CPM: variants seen among roughly 807,000 people sequenced by gnomAD.
CPM encodes the protein renal carboxypeptidase.
CPM carries 35 observed loss-of-function variants against 46.4 expected under a neutral mutation model. That is an observed-to-expected ratio of 0.75 (90% CI 0.58 to 1.00). The LOEUF (loss-of-function observed/expected upper bound fraction) is 1.00. Ranked by LOEUF, CPM falls within the 50% of genes least tolerant of loss-of-function variation. The probability of loss-of-function intolerance (pLI) is 0.00; values close to 1 mark genes in which losing one functional copy is unlikely to be tolerated. For missense variants in CPM, 422 were observed against 530.4 expected, an observed-to-expected ratio of 0.80 and a Z score of 2.01; for synonymous variants, 195 against 195.3, an observed-to-expected ratio of 1.00 and a Z score of 0.01.
At chr12:68,931,728 A>G (rs1322570093) in intron 2 of CPM, among the ~76,000 whole-genome samples, 1 of 141,542 alleles carries the variant, frequency 7.1e-6, no homozygotes, top group Admixed American at 7.2e-5. Context: ...CCTGGGCAAC[A>G]GAGCGAGACT....
At chr12:68,955,506 G>T (rs1565811012) in intron 1 of CPM, among the ~76,000 whole-genome samples, 1 of 67,794 alleles carries the variant, frequency 1.5e-5, no homozygotes, top group East Asian at 3.9e-4. Context: ...TGTGGGGGTG[G>T]GGGGGGCATG....
At chr12:68,869,188 T>A (rs535757943) in intron 6 of CPM, 137 bp downstream of exon 6, 1 of 667,962 alleles carries the variant, frequency 1.5e-6, no homozygotes, top group Non-Finnish European at 2.5e-6. Context: ...ACTGCTCTTA[T>A]GATATTAGCT....
rs2136216688 is a variant in CPM at position 68,858,999 on chromosome 12, T to C, written c.1013A>G (p.Lys338Arg). Reference sequence around the variant, plus strand: ...GTTGGTTCTATAGGGGCAGATATGTTTTCTGTCTTGGACTTCCACAATTAC... The same window carrying C: ...GTTGGTTCTATAGGGGCAGATATGTCTTCTGTCTTGGACTTCCACAATTAC... Reference protein sequence around the residue: ...PNVIVEVQDRKHICPYRTNKY... With the variant: ...PNVIVEVQDRRHICPYRTNKY... The change falls in exon 8 of 9, where the codon AAA (lysine) becomes AGA (arginine). Residue 338 changes from lysine (K) to arginine (R), a missense_variant. Lys to Arg is a conservative substitution (Grantham distance 26, BLOSUM62 2). Transcript: ENST00000551568. 3 of 1,577,230 alleles carry C rather than the reference T, an allele frequency of 1.9e-6. No individual in the cohort carries two copies. Among genetic ancestry groups the C allele is most frequent in the Non-Finnish European group, 1.7e-6 (2 of 1,161,644 alleles).
At chr12:68,962,146 G>A (rs1269529243) in intron 1 of CPM, among the ~76,000 whole-genome samples, 1 of 147,820 alleles carries the variant, frequency 6.8e-6, no homozygotes, top group African/African-American at 2.6e-5. Flanking sequence ...CTTGCAGTGA[G>A]CCAAGATAGC....
chr12:68,883,570 C>A (rs1663589), intron 3 of CPM, among the ~76,000 whole-genome samples: 1 of 152,040 alleles, frequency 6.6e-6, no homozygotes, highest in East Asian at 1.9e-4. Context: ...AGAATCAGAG[C>A]GCACTAGCGA....
At chr12:68,887,174 A>G (rs954434858) in intron 2 of CPM, among the ~76,000 whole-genome samples, 51 of 152,214 alleles carry the variant, frequency 3.4e-4, no homozygotes, top group African/African-American at 1.2e-3. Flanking sequence ...GTCCCTTTCA[A>G]TTTTAAAATT....
chr12:68,962,197 C>T (rs182137534), intron 1 of CPM, among the ~76,000 whole-genome samples: 1 of 39,218 alleles, frequency 2.5e-5, no homozygotes, highest in East Asian at 6.8e-4. Flanking sequence ...GAGACTCCAT[C>T]TCAAAAAAAA....
chr12:68,945,622 G>A (rs138989982), intron 1 of CPM, among the ~76,000 whole-genome samples: 26 of 152,276 alleles, frequency 1.7e-4, no homozygotes, highest in African/African-American at 6.3e-4. Flanking sequence ...AAAAACGTTA[G>A]TATTCTTATC....
chr12:68,897,378 T>C (rs1886917826), intron 2 of CPM, among the ~76,000 whole-genome samples: 1 of 152,074 alleles, frequency 6.6e-6, no homozygotes, highest in South Asian at 2.1e-4. Flanking sequence ...ACTTCCCTTT[T>C]TGGTCCCTTG....
At chr12:68,885,708 C>G in intron 3 of CPM, 84 bp downstream of exon 3, 1 of 1,117,894 alleles carries the variant, frequency 8.9e-7, no homozygotes, top group East Asian at 2.4e-5. Flanking sequence ...CTCCAGGCTT[C>G]CTCGGTAGCA....
At chr12:68,944,289 A>C (rs997180096) in intron 1 of CPM, among the ~76,000 whole-genome samples, 1 of 152,212 alleles carries the variant, frequency 6.6e-6, no homozygotes, top group Admixed American at 6.5e-5. Flanking sequence ...ACTTTGATAG[A>C]GTTCATATTG....
chr12:68,856,761 TA>T, intron 8 of CPM, 82 bp from the exon 9 acceptor site: 2 of 1,532,600 alleles, frequency 1.3e-6, no homozygotes, highest in Non-Finnish European at 1.8e-6. Flanking sequence ...TATCCATCAC[TA>T]AAATGCAGCC....
intron 2 of CPM, among the ~76,000 whole-genome samples, chr12:68,914,833 G>A (rs1384394671): frequency 6.6e-6 from 1 of 152,082 alleles, no homozygotes; most frequent in African/African-American, 2.4e-5. Flanking sequence ...TGACAGACCT[G>A]GGTTTGAATT....
At chr12:68,877,711 T>C (rs370939804) in intron 3 of CPM, among the ~76,000 whole-genome samples, 15 of 152,114 alleles carry the variant, frequency 9.9e-5, no homozygotes, top group African/African-American at 2.9e-4. Flanking sequence ...CACCTGAGGA[T>C]AGTGGTAGGA....
At chr12:68,953,584 A>T (rs1282478425) in intron 1 of CPM, among the ~76,000 whole-genome samples, 1 of 152,134 alleles carries the variant, frequency 6.6e-6, no homozygotes, top group African/African-American at 2.4e-5. Context: ...ACATTGCCCC[A>T]TGAGTGCCTT....
chr12:68,856,743 A>C, intron 8 of CPM, 64 bp from the exon 9 acceptor site: 6 of 1,570,582 alleles, frequency 3.8e-6, no homozygotes, highest in Non-Finnish European at 5.2e-6. Flanking sequence ...CCACACTGAA[A>C]ACACTGATAT....
chr12:68,952,533 G>A (rs1888951805), intron 1 of CPM, among the ~76,000 whole-genome samples: 1 of 152,124 alleles, frequency 6.6e-6, no homozygotes, highest in Admixed American at 6.5e-5. Flanking sequence ...TAAAAGCATG[G>A]GACCCTTCTA....
At chr12:68,894,144 G>A (rs558583859) in intron 2 of CPM, among the ~76,000 whole-genome samples, 5 of 152,182 alleles carry the variant, frequency 3.3e-5, no homozygotes, top group African/African-American at 7.2e-5. Context: ...CTCTAATCCT[G>A]TGTCATCTTT....
chr12:68,935,784 T>C (rs952545963), upstream of CPM, among the ~76,000 whole-genome samples: 1 of 152,064 alleles, frequency 6.6e-6, no homozygotes, highest in African/African-American at 2.4e-5. Flanking sequence ...TTAGGCAAAG[T>C]TACTCTAGGA....
Sources: gnomAD v4.1 joint callset for allele counts (sites outside exome capture counted in the v4.1 genomes callset) on GRCh38, gnomAD v4.1.1 for gene constraint, MANE v1.5 for transcripts, NCBI Gene and HGNC (gene_info 2026-07-23, HGNC 2026-07-21) for gene names.